LINGO2: variants seen among roughly 807,000 people sequenced by gnomAD.
LINGO2 encodes leucine rich repeat and Ig domain containing 2, also known as leucine-rich repeat and immunoglobulin-like domain-containing nogo receptor-interacting protein 2.
Under a neutral mutation model 30.6 loss-of-function variants are expected in LINGO2, and 14 were observed. The ratio of observed to expected loss-of-function variants is 0.46; its 90% confidence interval spans 0.30 to 0.72. The LOEUF is 0.72. LINGO2 is among the 30% of genes least tolerant of loss of function. The pLI, the probability that LINGO2 is intolerant of heterozygous loss-of-function variation, is 0.07. For synonymous variants in LINGO2, 317 were observed against 288.5 expected, an observed-to-expected ratio of 1.10 and a Z score of -1.00; for missense variants, 729 against 751.7, an observed-to-expected ratio of 0.97 and a Z score of 0.35.
At chr9:28,985,852 G>A in the LINGO2 span, among the ~76,000 whole-genome samples, 1 of 152,008 alleles carries the variant, frequency 6.6e-6, no homozygotes, top group African/African-American at 2.4e-5. Flanking sequence ...ATGTGCAGAA[G>A]CTCTTTTGTT....
chr9:28,315,405 G>GAA (rs11285660), intron 3 of LINGO2, among the ~76,000 whole-genome samples: 65 of 141,464 alleles, frequency 4.6e-4, no homozygotes, highest in Non-Finnish European at 5.4e-4. Context: ...CCGTCTCGGG[G>GAA]AAAAAAAAAA....
intron 1 of LINGO2, among the ~76,000 whole-genome samples, chr9:28,478,386 T>G (rs1381455362): frequency 6.6e-6 from 1 of 152,114 alleles, no homozygotes; most frequent in Non-Finnish European, 1.5e-5. Flanking sequence ...AAAACAAATA[T>G]GAGTTACATG....
chr9:29,162,719 A>T, the LINGO2 span, among the ~76,000 whole-genome samples: 5 of 152,322 alleles, frequency 3.3e-5, no homozygotes, highest in African/African-American at 1.2e-4. Context: ...ATAAACATCC[A>T]TTATAAAATA....
At chr9:28,409,622 T>G (rs1363117987) in intron 2 of LINGO2, among the ~76,000 whole-genome samples, 1 of 38,816 alleles carries the variant, frequency 2.6e-5, no homozygotes, top group African/African-American at 4.2e-5. Flanking sequence ...TGTGCAGGGG[T>G]GTGTGTGTGT....
At chr9:28,071,048 G>A (rs541433365) in intron 4 of LINGO2, among the ~76,000 whole-genome samples, 96 of 152,258 alleles carry the variant, frequency 6.3e-4, no homozygotes, top group African/African-American at 2.2e-3. Flanking sequence ...TATTGAGGAA[G>A]ATGAGATAGT....
At chr9:28,094,846 AT>A (rs1379915879) in intron 4 of LINGO2, among the ~76,000 whole-genome samples, 1 of 152,108 alleles carries the variant, frequency 6.6e-6, no homozygotes, top group Non-Finnish European at 1.5e-5. Flanking sequence ...AAAGATAGTA[AT>A]AGCAAAAGTC....
At chr9:28,753,964 T>C in the LINGO2 span, among the ~76,000 whole-genome samples, 1 of 151,726 alleles carries the variant, frequency 6.6e-6, no homozygotes, top group South Asian at 2.1e-4. Flanking sequence ...TGAATTTTGA[T>C]TTTTTTCCAC....
the LINGO2 span, among the ~76,000 whole-genome samples, chr9:28,980,284 C>T: frequency 2.2e-4 from 33 of 152,224 alleles, no homozygotes; most frequent in African/African-American, 7.7e-4. Flanking sequence ...AGGCTTCTAA[C>T]TGATCTCCAT....
intron 5 of LINGO2, among the ~76,000 whole-genome samples, chr9:27,997,404 C>A (rs1038796026): frequency 6.6e-6 from 1 of 152,160 alleles, no homozygotes; most frequent in African/African-American, 2.4e-5. Flanking sequence ...CCCCCTCCCC[C>A]CGTCATAAGT....
chr9:28,058,863 A>G (rs1385728385), intron 4 of LINGO2, among the ~76,000 whole-genome samples: 1 of 152,178 alleles, frequency 6.6e-6, no homozygotes, highest in Non-Finnish European at 1.5e-5. Flanking sequence ...AATCTAAACT[A>G]CTGTTAAAAC....
the LINGO2 span, among the ~76,000 whole-genome samples, chr9:28,994,437 T>C: frequency 9.7e-4 from 136 of 139,940 alleles, no homozygotes; most frequent in South Asian, 2.3e-3. Context: ...AAAATGGCCA[T>C]ACTGCCCAAG....
chr9:28,437,585 A>G (rs1438752365), intron 2 of LINGO2, among the ~76,000 whole-genome samples: 2 of 149,062 alleles, frequency 1.3e-5, no homozygotes, highest in Non-Finnish European at 3.0e-5. Flanking sequence ...ACAGACGCGC[A>G]CACACACCCA....
chr9:29,004,159 T>C, the LINGO2 span, among the ~76,000 whole-genome samples: 1 of 151,950 alleles, frequency 6.6e-6, no homozygotes, highest in Non-Finnish European at 1.5e-5. Flanking sequence ...ATATGTTAGG[T>C]CTATTTTCTT....
At chr9:28,981,281 G>C in the LINGO2 span, among the ~76,000 whole-genome samples, 1 of 152,016 alleles carries the variant, frequency 6.6e-6, no homozygotes, top group African/African-American at 2.4e-5. Flanking sequence ...GTAGCTACTG[G>C]CAGAGTCTGA....
chr9:28,055,535 T>C lies in LINGO2; in HGVS notation c.-86-43130A>G, dbSNP rs185779143. ...GTAAGGTACTTCTGTGGATTGGCTG[T>C]GACTTCCACTTTGAATTGGAATTCT... On this transcript the variant is annotated intron_variant, in intron 4 of 5. Transcript: ENST00000379992. 9.3e-3 allele frequency among the ~76,000 whole-genome samples: 1,410 copies of C among 152,256 alleles called. 13 individuals carry two copies. The highest frequency in any genetic ancestry group is 0.031 in the African/African-American group (1,292 of 41,520).
In LINGO2 at chr9:28,552,383, C is replaced by T. The variant is rs1440772147; in HGVS notation, c.-364-76358G>A. On this transcript the variant is annotated intron_variant, in intron 1 of 5. Coordinates refer to ENST00000379992, the Ensembl canonical transcript of LINGO2. ...AAAGTCTTAAATACTTTGTTGCATACTTAGCCATAGAACCCTAGATTATAA... is the reference window on the plus strand; with the variant it reads ...AAAGTCTTAAATACTTTGTTGCATATTTAGCCATAGAACCCTAGATTATAA... Among the ~76,000 whole-genome samples, 3 of 152,116 alleles carry T rather than the reference C, an allele frequency of 2.0e-5. No individual in the cohort carries two copies. In the East Asian group the frequency reaches 5.8e-4, roughly 29 times the overall value.
chr9:28,014,538 GATAA>G (rs1293262727), intron 4 of LINGO2, among the ~76,000 whole-genome samples: 1 of 152,120 alleles, frequency 6.6e-6, no homozygotes, highest in Non-Finnish European at 1.5e-5. Context: ...TGATACACTA[GATAA>G]ATTTTACTTT....
chr9:28,587,966 A>C (rs1313640454), intron 1 of LINGO2, among the ~76,000 whole-genome samples: 4 of 152,028 alleles, frequency 2.6e-5, no homozygotes, highest in Non-Finnish European at 4.4e-5. Flanking sequence ...TGTAGTAGGC[A>C]CTGGGCTGGC....
At chr9:28,891,041 CTA>C in the LINGO2 span, among the ~76,000 whole-genome samples, 5 of 151,830 alleles carry the variant, frequency 3.3e-5, no homozygotes, top group African/African-American at 1.2e-4. Context: ...AACATTTTAC[CTA>C]ATAATAAAAC....
Sources: allele counts gnomAD v4.1 joint callset (sites outside exome capture counted in the v4.1 genomes callset), GRCh38; gene constraint gnomAD v4.1.1; transcripts MANE v1.5; gene names NCBI Gene and HGNC (gene_info 2026-07-23, HGNC 2026-07-21).